Variants in IMMT observed in about 807,000 individuals in gnomAD.
IMMT encodes the protein inner membrane mitochondrial protein.
IMMT carries 40 observed loss-of-function variants against 92.7 expected under a neutral mutation model. That is an observed-to-expected ratio of 0.43 (90% CI 0.34 to 0.56). IMMT has a LOEUF of 0.56. IMMT is among the 20% of genes least tolerant of loss of function. IMMT has a pLI of 0.03. For missense variants in IMMT, 831 were observed against 912.1 expected, an observed-to-expected ratio of 0.91 and a Z score of 1.14; for synonymous variants, 322 against 336.1, an observed-to-expected ratio of 0.96 and a Z score of 0.46.
At chr2:86,154,331 CCTGG>C (rs1163835594) in intron 10 of IMMT, among the ~76,000 whole-genome samples, 11 of 151,770 alleles carry the variant, frequency 7.2e-5, no homozygotes, top group African/African-American at 2.2e-4. Flanking sequence ...TCCCACCACG[CCTGG>C]CTAATTTTTA....
Position 86,144,590 on chromosome 2 carries a change from C to G in IMMT, c.1955G>C (p.Arg652Thr). The change falls in exon 15 of 15, where the codon AGA becomes ACA. Residue 652 changes from arginine (R) to threonine (T), a missense_variant. By Grantham distance (71) the Arg-to-Thr change is moderately conservative. Coordinates refer to ENST00000410111, the MANE Select transcript of IMMT (RefSeq NM_006839.3). ...GAGGAAGTACTGGTACAAGCTATTT[C>G]TGGTTTCATCAATCATTGCTACCCT... ...ARRVAMIDET[R>T]NSLYQYFLSY... 6.2e-7 allele frequency: 1 copy of G among 1,614,028 alleles called. No homozygotes were observed. Among genetic ancestry groups the G allele is most frequent in the Non-Finnish European group, 8.5e-7 (1 of 1,179,898 alleles).
intron 3 of IMMT, among the ~76,000 whole-genome samples, chr2:86,178,653 A>G (rs958813085): frequency 1.3e-5 from 2 of 152,100 alleles, no homozygotes; most frequent in Non-Finnish European, 2.9e-5. Context: ...ACTAACATAC[A>G]TACATCTGGC....
chr2:86,183,052 C>CA (rs1478647465), intron 1 of IMMT, among the ~76,000 whole-genome samples: 2 of 152,094 alleles, frequency 1.3e-5, no homozygotes, highest in Non-Finnish European at 2.9e-5. Context: ...TATATGTCAA[C>CA]AATTCCATTT....
In IMMT at chr2:86,180,394, T is replaced by G. The variant is rs1286682454; in HGVS notation, c.120-772A>C. Among the ~76,000 whole-genome samples, 4 of 151,674 alleles carry G rather than the reference T, an allele frequency of 2.6e-5. No individual in the cohort carries two copies. In the East Asian group the frequency reaches 6.0e-4, roughly 23 times the overall value. ...GATTCTCCTGCCTCAGCCTCCCGAGTAGCTGGGATTACAGGCATGCGCCAC... is the reference window on the plus strand; with the variant it reads ...GATTCTCCTGCCTCAGCCTCCCGAGGAGCTGGGATTACAGGCATGCGCCAC... On this transcript the variant is annotated intron_variant, in intron 2 of 14. Coordinates refer to ENST00000410111, the MANE Select transcript of IMMT (RefSeq NM_006839.3).
At chr2:86,178,526 T>C (rs1677603546) in intron 3 of IMMT, among the ~76,000 whole-genome samples, 1 of 151,560 alleles carries the variant, frequency 6.6e-6, no homozygotes. Context: ...CTTGGAAGGC[T>C]GAGGCAGGAG....
rs1238522365 is a variant in IMMT, at chr2:86,158,611, A to C, written c.1143T>G (p.Leu381=). 1 of 1,605,888 alleles carries C rather than the reference A, an allele frequency of 6.2e-7. No homozygotes were observed. Among genetic ancestry groups the C allele is most frequent in the African/African-American group, 1.3e-5 (1 of 74,862 alleles). Residue 381 remains leucine, a synonymous_variant, in exon 10 of 15, where the codon CTT becomes CTG. Coordinates refer to ENST00000410111, the MANE Select transcript of IMMT (RefSeq NM_006839.3). ...ACTCACTCATTCCTTTCCACCCAGG[A>C]AGGACTTCTGGAGTAATACTGTCCA... ...RELDSITPEV[L]PGWKGMSVSD... is the part of the protein sequence containing the mutation.
intron 7 of IMMT, among the ~76,000 whole-genome samples, chr2:86,164,051 C>CTT (rs1333229562): frequency 1.2e-5 from 1 of 83,054 alleles, no homozygotes; most frequent in African/African-American, 3.8e-5. Context: ...CCACTTTAGT[C>CTT]ATTTTTTTTT....
At chr2:86,183,969 C>A (rs566096060) in intron 1 of IMMT, among the ~76,000 whole-genome samples, 4 of 152,160 alleles carry the variant, frequency 2.6e-5, no homozygotes, top group African/African-American at 7.2e-5. Flanking sequence ...CTGAGTAACA[C>A]TGTATACACA....
At chr2:86,156,725 T>C (rs1675881671) in intron 10 of IMMT, among the ~76,000 whole-genome samples, 1 of 151,764 alleles carries the variant, frequency 6.6e-6, no homozygotes, top group Non-Finnish European at 1.5e-5. Flanking sequence ...AAAGACAGAA[T>C]GCAAATTCTT....
At chr2:86,157,024 A>G (rs1027138678) in intron 10 of IMMT, among the ~76,000 whole-genome samples, 1 of 152,198 alleles carries the variant, frequency 6.6e-6, no homozygotes, top group African/African-American at 2.4e-5. Flanking sequence ...TGAGGCACAG[A>G]CAACCCCTTG....
In IMMT at chr2:86,153,500, CTT is replaced by C. The variant is rs1675632007; in HGVS notation, c.1177+58_1177+59del. 22 of 960,894 alleles carry C rather than the reference CTT, an allele frequency of 2.3e-5. 1 individual carries two copies. Among genetic ancestry groups the C allele is most frequent in the African/African-American group, 1.4e-4 (8 of 57,672 alleles). 59.5% of individuals were successfully genotyped at this position (960,894 alleles called of 1,614,324 possible). On this transcript the variant is annotated intron_variant, in intron 11 of 14. Transcript: ENST00000410111. ...AAGAATCATAGGCACAACAAAAAGA[CTT>C]TAGTCTCTTAATACCCAAAACAAAA...
intron 7 of IMMT, among the ~76,000 whole-genome samples, chr2:86,165,578 T>G (rs1469487009): frequency 3.9e-5 from 6 of 152,206 alleles, no homozygotes; most frequent in Non-Finnish European, 8.8e-5. Flanking sequence ...ATGATCCTGA[T>G]CCTTAAGATT....
chr2:86,178,725 T>C (rs1263366458), intron 3 of IMMT, among the ~76,000 whole-genome samples: 6 of 152,078 alleles, frequency 3.9e-5, no homozygotes, highest in Non-Finnish European at 5.9e-5. Flanking sequence ...TCTACATCCA[T>C]AGATTCAACC....
intron 1 of IMMT, among the ~76,000 whole-genome samples, chr2:86,187,979 A>C (rs144501874): frequency 1.3e-5 from 2 of 151,660 alleles, no homozygotes; most frequent in African/African-American, 4.8e-5. Flanking sequence ...GTACCATTTT[A>C]CATTCCCACT....
intron 7 of IMMT, among the ~76,000 whole-genome samples, chr2:86,163,053 G>T (rs1676408178): frequency 6.6e-6 from 1 of 152,120 alleles, no homozygotes. Flanking sequence ...TCAGGGCCTA[G>T]ACAGGGTGCA....
intron 2 of IMMT, among the ~76,000 whole-genome samples, chr2:86,180,982 T>G (rs1672399242): frequency 6.6e-6 from 1 of 152,164 alleles, no homozygotes; most frequent in Non-Finnish European, 1.5e-5. Flanking sequence ...CCAAATAAAT[T>G]TAACACTTAT....
intron 10 of IMMT, among the ~76,000 whole-genome samples, chr2:86,154,956 G>A (rs565783827): frequency 7.9e-5 from 12 of 152,140 alleles, no homozygotes; most frequent in African/African-American, 1.9e-4. Context: ...TCCACTGCCC[G>A]GGTTCAAGTG....
intron 13 of IMMT, among the ~76,000 whole-genome samples, chr2:86,147,010 C>CCAAA (rs569285982): frequency 1.2e-3 from 182 of 152,334 alleles, no homozygotes; most frequent in African/African-American, 3.9e-3. Context: ...ATCCACCCGC[C>CCAAA]TCAGCCTCCC....
At chr2:86,152,677 C>A (rs1675559180) in intron 11 of IMMT, among the ~76,000 whole-genome samples, 1 of 152,022 alleles carries the variant, frequency 6.6e-6, no homozygotes, top group African/African-American at 2.4e-5. Context: ...ACGAGAATTG[C>A]CTGAACCCAG....
Sources: gnomAD v4.1 joint callset for allele counts (sites outside exome capture counted in the v4.1 genomes callset) on GRCh38, gnomAD v4.1.1 for gene constraint, MANE v1.5 for transcripts, NCBI Gene and HGNC (gene_info 2026-07-23, HGNC 2026-07-21) for gene names.